Variants in RELN observed in about 807,000 individuals in gnomAD.
RELN encodes the protein reelin.
Under a neutral mutation model 427.6 loss-of-function variants are expected in RELN, and 108 were observed. The observed-to-expected ratio is 0.25, with a 90% CI of 0.22 to 0.30. The LOEUF is 0.30. Ranked by LOEUF, RELN falls within the 10% of genes least tolerant of loss-of-function variation. RELN has a pLI of 1.00. For synonymous variants in RELN, 1,524 were observed against 1,513.4 expected, an observed-to-expected ratio of 1.01 and a Z score of -0.16; for missense variants, 3,715 against 4,302.8, an observed-to-expected ratio of 0.86 and a Z score of 3.82.
chr7:103,593,557 T>C, intron 27 of RELN, 125 bp downstream of exon 27: 1 of 829,148 alleles, frequency 1.2e-6, no homozygotes, highest in Non-Finnish European at 2.0e-6. Context: ...TGTTAAGCTT[T>C]CGTACAGGTG....
intron 2 of RELN, among the ~76,000 whole-genome samples, chr7:103,908,638 A>T (rs896246047): frequency 6.6e-6 from 1 of 152,118 alleles, no homozygotes; most frequent in African/African-American, 2.4e-5. Context: ...ATAGCTGTAT[A>T]TTTGTCATGC....
intron 1 of RELN, among the ~76,000 whole-genome samples, chr7:103,956,491 T>C (rs938033444): frequency 5.9e-5 from 9 of 152,212 alleles, no homozygotes; most frequent in African/African-American, 2.2e-4. Flanking sequence ...CCTTACAGCA[T>C]GACTTCTGGA....
At chr7:103,663,558 C>G (rs910286652) in intron 11 of RELN, among the ~76,000 whole-genome samples, 4 of 152,190 alleles carry the variant, frequency 2.6e-5, no homozygotes. Context: ...GAAACACCCT[C>G]TTCTTCTCCC....
chr7:103,657,618 A>G (rs1395266370), intron 12 of RELN, among the ~76,000 whole-genome samples: 1 of 152,116 alleles, frequency 6.6e-6, no homozygotes, highest in Non-Finnish European at 1.5e-5. Context: ...AGATAACTGA[A>G]ACACACGTGA....
intron 13 of RELN, among the ~76,000 whole-genome samples, chr7:103,653,063 C>T (rs1337735506): frequency 6.6e-6 from 1 of 151,954 alleles, no homozygotes; most frequent in East Asian, 1.9e-4. Context: ...CATGTGTATC[C>T]ATTTTATTTA....
chr7:103,961,475 T>C (rs906957759), intron 1 of RELN, among the ~76,000 whole-genome samples: 1 of 152,146 alleles, frequency 6.6e-6, no homozygotes, highest in Non-Finnish European at 1.5e-5. Flanking sequence ...AAAAAAGAAG[T>C]GAAATGAGTA....
intron 10 of RELN, among the ~76,000 whole-genome samples, chr7:103,691,451 C>G (rs549503517): frequency 6.6e-6 from 1 of 152,120 alleles, no homozygotes; most frequent in Admixed American, 6.6e-5. Context: ...TTTTCAAGAT[C>G]AGCAGTGGAG....
intron 50 of RELN, chr7:103,513,538 A>C (rs1829481511): frequency 6.6e-6 from 1 of 152,228 alleles, no homozygotes; most frequent in African/African-American, 2.4e-5. Flanking sequence ...TCTTAAGAGA[A>C]TATGACACTT....
At chr7:103,794,318 C>G (rs956033438) in intron 3 of RELN, among the ~76,000 whole-genome samples, 4 of 152,154 alleles carry the variant, frequency 2.6e-5, no homozygotes, top group Non-Finnish European at 2.9e-5. Context: ...TATATATCCC[C>G]CTATGAGTAG....
chr7:103,813,897 GT>G (rs1388845812), intron 3 of RELN, among the ~76,000 whole-genome samples: 1 of 152,012 alleles, frequency 6.6e-6, no homozygotes, highest in Non-Finnish European at 1.5e-5. Flanking sequence ...TCACCCAGAA[GT>G]TTTTCCTAAA....
intron 4 of RELN, among the ~76,000 whole-genome samples, chr7:103,763,256 A>C (rs866505173): frequency 6.6e-6 from 1 of 152,204 alleles, no homozygotes; most frequent in African/African-American, 2.4e-5. Flanking sequence ...GGAGGTACAG[A>C]CTGGCTGGCA....
chr7:103,594,877 T>C (rs1485840443), intron 25 of RELN, among the ~76,000 whole-genome samples: 1 of 152,212 alleles, frequency 6.6e-6, no homozygotes, highest in African/African-American at 2.4e-5. Context: ...TCTTTCTCAT[T>C]GTGGGAAAAC....
At chr7:103,699,431 C>A (rs558608822) in intron 9 of RELN, among the ~76,000 whole-genome samples, 1 of 152,224 alleles carries the variant, frequency 6.6e-6, no homozygotes, top group South Asian at 2.1e-4. Context: ...TGATTGGGAG[C>A]ACTTTCACTC....
At chr7:103,734,690 C>T (rs1166067106) in intron 6 of RELN, among the ~76,000 whole-genome samples, 1 of 152,106 alleles carries the variant, frequency 6.6e-6, no homozygotes, top group Non-Finnish European at 1.5e-5. Flanking sequence ...GATGATGAAA[C>T]AGGACTAGAA....
chr7:103,746,506 G>A (rs899781258), intron 6 of RELN, among the ~76,000 whole-genome samples: 1 of 151,824 alleles, frequency 6.6e-6, no homozygotes, highest in Non-Finnish European at 1.5e-5. Context: ...GAAAATTTTT[G>A]CAACCTACTC....
intron 51 of RELN, among the ~76,000 whole-genome samples, chr7:103,505,099 C>G (rs1829163962): frequency 6.6e-6 from 1 of 152,238 alleles, no homozygotes; most frequent in Non-Finnish European, 1.5e-5. Flanking sequence ...TTCCATCTCC[C>G]TGGGATAGAG....
intron 3 of RELN, among the ~76,000 whole-genome samples, chr7:103,820,532 GA>G (rs1443756666): frequency 7.0e-6 from 1 of 142,186 alleles, no homozygotes; most frequent in Non-Finnish European, 1.5e-5. Context: ...CTTTTAAAAA[GA>G]AAAGAAAAAC....
intron 2 of RELN, among the ~76,000 whole-genome samples, chr7:103,842,734 G>T (rs1240325128): frequency 6.6e-6 from 1 of 152,190 alleles, no homozygotes; most frequent in Non-Finnish European, 1.5e-5. Context: ...CCTTTTAAAA[G>T]TCATTCTGGA....
At chr7:103,931,786 C>G (rs1245046262) in intron 1 of RELN, among the ~76,000 whole-genome samples, 2 of 152,160 alleles carry the variant, frequency 1.3e-5, no homozygotes, top group Non-Finnish European at 2.9e-5. Flanking sequence ...CTCCAATATG[C>G]TTCCACTGTC....
Sources: gnomAD v4.1 joint callset for allele counts (sites outside exome capture counted in the v4.1 genomes callset) on GRCh38, gnomAD v4.1.1 for gene constraint, MANE v1.5 for transcripts, NCBI Gene and HGNC (gene_info 2026-07-23, HGNC 2026-07-21) for gene names.